Variants in UGT2A1 observed in about 807,000 individuals in gnomAD.
UGT2A1 encodes the protein UDP glucuronosyltransferase family 2 member A1 complex locus.
In UGT2A1, 61 loss-of-function variants were observed where a neutral mutation model predicts 45.4. That is an observed-to-expected ratio of 1.34 (90% CI 1.09 to 1.66). The LOEUF is 1.66. Among genes scored for constraint, UGT2A1 ranks in the 40% most tolerant of loss-of-function variants. The pLI is 0.00. For missense variants in UGT2A1, 649 were observed against 574.3 expected (o/e 1.13, Z -1.33); for synonymous variants, 229 against 196.2 (o/e 1.17, Z -1.40).
rs1718842696 is a variant in UGT2A1 at position 69,595,150 on chromosome 4, C to T, written c.1084+12G>A. Reference sequence around the variant, plus strand: ...GTCCCACTGTACAGCTTTTCTTTCCCCACAGTCTTACCAAGAAGATCATTC... The same window carrying T: ...GTCCCACTGTACAGCTTTTCTTTCCTCACAGTCTTACCAAGAAGATCATTC... On this transcript the variant is annotated intron_variant, in intron 5 of 6. Coordinates refer to ENST00000286604, the MANE Select transcript of UGT2A1 (RefSeq NM_001252275.3). 2 of 1,613,686 alleles carry T rather than the reference C, an allele frequency of 1.2e-6. No individual in the cohort carries two copies. The highest frequency in any genetic ancestry group is 2.2e-5 in the South Asian group (2 of 91,074).
chr4:69,639,078 A>G, intron 2 of UGT2A1: 1 of 1,613,426 alleles, frequency 6.2e-7, no homozygotes, highest in Admixed American at 1.7e-5. Context: ...GTGTCTCTCC[A>G]CTGTTGATGC....
At chr4:69,598,750 CA>C (rs1352808899) in intron 4 of UGT2A1, among the ~76,000 whole-genome samples, 1 of 151,944 alleles carries the variant, frequency 6.6e-6, no homozygotes, top group Non-Finnish European at 1.5e-5. Flanking sequence ...GTAGATGGCA[CA>C]ACTGTCTAAT....
At chr4:69,622,583 A>G (rs1321758175) in intron 3 of UGT2A1, among the ~76,000 whole-genome samples, 1 of 151,732 alleles carries the variant, frequency 6.6e-6, no homozygotes, top group Admixed American at 6.6e-5. Context: ...CTGAATGAAT[A>G]ATATATTATA....
chr4:69,616,299 A>G (rs1320290985), intron 3 of UGT2A1, among the ~76,000 whole-genome samples: 1 of 151,968 alleles, frequency 6.6e-6, no homozygotes, highest in African/African-American at 2.4e-5. Flanking sequence ...GTTAGAATGA[A>G]AAAATCTAGT....
chr4:69,608,679 CA>C (rs755242626), intron 3 of UGT2A1, among the ~76,000 whole-genome samples: 1 of 151,846 alleles, frequency 6.6e-6, no homozygotes, highest in Non-Finnish European at 1.5e-5. Context: ...AAAATACACA[CA>C]AAAAATAATT....
chr4:69,619,079 AG>A (rs1192882030), intron 3 of UGT2A1, among the ~76,000 whole-genome samples: 2 of 151,922 alleles, frequency 1.3e-5, no homozygotes, highest in South Asian at 2.1e-4. Context: ...ATCAGAAAAA[AG>A]TTTATCAATA....
At chr4:69,651,524 A>G (rs1722524164) in intron 1 of UGT2A1, among the ~76,000 whole-genome samples, 1 of 152,242 alleles carries the variant, frequency 6.6e-6, no homozygotes, top group Admixed American at 6.5e-5. Flanking sequence ...TTCATCTTAG[A>G]GAATGATAAT....
At chr4:69,620,269 A>G (rs558166252) in intron 3 of UGT2A1, among the ~76,000 whole-genome samples, 1 of 147,882 alleles carries the variant, frequency 6.8e-6, no homozygotes, top group East Asian at 2.0e-4. Context: ...TGCACTAATA[A>G]AAAACTACAG....
intron 6 of UGT2A1, among the ~76,000 whole-genome samples, chr4:69,592,824 C>A (rs1718666407): frequency 6.6e-6 from 1 of 151,822 alleles, no homozygotes; most frequent in Non-Finnish European, 1.5e-5. Context: ...AAATTAATTT[C>A]TGAAAAGAAA....
intron 1 of UGT2A1, among the ~76,000 whole-genome samples, chr4:69,649,315 CAGA>C (rs1443592601): frequency 2.0e-5 from 3 of 151,982 alleles, no homozygotes; most frequent in Non-Finnish European, 2.9e-5. Flanking sequence ...AGTTTCTCTG[CAGA>C]AGATGTTATG....
chr4:69,652,500 A>G (rs892141641), intron 1 of UGT2A1, among the ~76,000 whole-genome samples: 1 of 151,692 alleles, frequency 6.6e-6, no homozygotes, highest in East Asian at 1.9e-4. Context: ...TGAACTTCTG[A>G]CCAGAGGTGA....
chr4:69,597,389 A>G (rs1294003099), intron 4 of UGT2A1, among the ~76,000 whole-genome samples: 2 of 152,310 alleles, frequency 1.3e-5, no homozygotes, highest in East Asian at 1.9e-4. Context: ...TTGTCTGCCA[A>G]TAAAATTCCT....
At position 69,589,269 on chromosome 4, in the gene UGT2A1, G is replaced by A. The variant is rs1024602196; in HGVS notation, c.*103C>T. The stretch of plus-strand genomic sequence containing the variant: ...AATAGAAAATTTGGAAACAGGATGG[G>A]AGACGTGTTTTTGTTAAACTCCTTT... On this transcript the variant is annotated 3_prime_UTR_variant, in exon 7 of 7. Coordinates refer to ENST00000286604, the MANE Select transcript of UGT2A1 (RefSeq NM_001252275.3). 2.2e-6 allele frequency: 3 copies of A among 1,362,128 alleles called. No individual in the cohort carries two copies. The highest frequency in any genetic ancestry group is 5.8e-5 in the Admixed American group (2 of 34,566). The allele number at this position is 1,362,128 out of a possible 1,614,324, so 84.4% of individuals were successfully genotyped here. A position where few individuals can be genotyped will look rare whatever the true frequency, so the allele number is the denominator to read the frequency against.
At chr4:69,607,827 C>T (rs911988626) in intron 3 of UGT2A1, among the ~76,000 whole-genome samples, 124 of 152,288 alleles carry the variant, frequency 8.1e-4, no homozygotes, top group African/African-American at 2.9e-3. Flanking sequence ...AAATGCTCAT[C>T]ATCACTGGCC....
rs1384747927 is a variant in UGT2A1 at position 69,637,896 on chromosome 4, A to C, written c.716-2074T>G. On this transcript the variant is annotated intron_variant, in intron 2 of 6. Transcript: ENST00000286604. ...AAGGAAGAAAAGTAAAAAAGGAAGG[A>C]AGGCAAGAAGGAAGGCAGGCAGGCA... 1.3e-5 allele frequency among the ~76,000 whole-genome samples: 2 copies of C among 151,454 alleles called. 1 individual carries two copies. Among genetic ancestry groups the C allele is most frequent in the South Asian group, 4.2e-4 (2 of 4,770 alleles).
At chr4:69,625,189 G>T (rs1332758629) in intron 3 of UGT2A1, among the ~76,000 whole-genome samples, 1 of 150,482 alleles carries the variant, frequency 6.6e-6, no homozygotes, top group Non-Finnish European at 1.5e-5. Context: ...GCTAGATGAA[G>T]TATTTTTTAA....
At chr4:69,618,427 C>T (rs1004301413) in intron 3 of UGT2A1, among the ~76,000 whole-genome samples, 1 of 151,790 alleles carries the variant, frequency 6.6e-6, no homozygotes, top group Admixed American at 6.6e-5. Flanking sequence ...ATTTAAAAAG[C>T]ACAAAAATGT....
intron 2 of UGT2A1, among the ~76,000 whole-genome samples, chr4:69,640,226 C>G (rs1718423733): frequency 1.3e-5 from 2 of 151,850 alleles, no homozygotes; most frequent in South Asian, 4.1e-4. Flanking sequence ...AAATATTGTC[C>G]TTTTATAAGA....
Position 69,589,338 on chromosome 4 carries a change from C to T in UGT2A1, c.*34G>A. On this transcript the variant is annotated 3_prime_UTR_variant, in exon 7 of 7. Transcript: ENST00000286604. ...CTACACTACTCAGGATTTTGCCAAA[C>T]TTAAAAATATATATATTTCCTCTTT... 6.4e-7 allele frequency: 1 copy of T among 1,554,864 alleles called. No individual in the cohort carries two copies. Among genetic ancestry groups the T allele is most frequent in the South Asian group, 1.2e-5 (1 of 82,122 alleles).
Sources: allele counts gnomAD v4.1 joint callset (sites outside exome capture counted in the v4.1 genomes callset), GRCh38; gene constraint gnomAD v4.1.1; transcripts MANE v1.5; gene names NCBI Gene and HGNC (gene_info 2026-07-23, HGNC 2026-07-21).